SYT16: variants seen among roughly 807,000 people sequenced by gnomAD.
SYT16 encodes the protein synaptotagmin-16.
A neutral mutation model predicts 61.4 loss-of-function variants in SYT16; 42 were observed. That is an observed-to-expected ratio of 0.68 (90% CI 0.53 to 0.89). The LOEUF is 0.89. Among genes scored for constraint, SYT16 ranks in the 40% least tolerant of loss-of-function variants. The probability of loss-of-function intolerance (pLI) is 0.00; values close to 1 mark genes in which losing one functional copy is unlikely to be tolerated. For missense variants in SYT16, 804 were observed against 807.3 expected (o/e 1.00, Z 0.05); for synonymous variants, 314 against 302.3 (o/e 1.04, Z -0.40).
intron 2 of SYT16, among the ~76,000 whole-genome samples, chr14:61,973,361 T>G (rs2051645143): frequency 6.6e-6 from 1 of 152,198 alleles, no homozygotes; most frequent in Non-Finnish European, 1.5e-5. Flanking sequence ...TGATCATTGG[T>G]AACTATTGTT....
intron 1 of SYT16, chr14:61,832,141 C>T (rs1210988248): frequency 9.9e-6 from 7 of 709,862 alleles, no homozygotes; most frequent in Middle Eastern, 2.5e-4. Context: ...TCGACTTTCC[C>T]ATCCGTGGAG....
At chr14:61,953,700 A>G (rs894420595) in intron 1 of SYT16, among the ~76,000 whole-genome samples, 4 of 152,122 alleles carry the variant, frequency 2.6e-5, no homozygotes, top group African/African-American at 9.7e-5. Context: ...ACCTAATGCT[A>G]TACCTTTGAT....
In SYT16 at chr14:62,092,327, C is replaced by A. The variant is rs530179685; in HGVS notation, c.1624+7942C>A. ...TCCTATGGAAAACAGTATGACAGTTCCTGAAAAGATGAAAAATAGAATCAC... is the reference window on the plus strand; with the variant it reads ...TCCTATGGAAAACAGTATGACAGTTACTGAAAAGATGAAAAATAGAATCAC... On this transcript the variant is annotated intron_variant, in intron 7 of 7. Coordinates refer to ENST00000683842, the MANE Select transcript of SYT16 (RefSeq NM_001367656.1). 2.6e-5 allele frequency among the ~76,000 whole-genome samples: 4 copies of A among 151,886 alleles called. No individual in the cohort carries two copies. The East Asian group carries it at 5.8e-4, about 22-fold the overall frequency.
At chr14:61,981,411 G>T (rs2052069576) in intron 2 of SYT16, among the ~76,000 whole-genome samples, 1 of 152,082 alleles carries the variant, frequency 6.6e-6, no homozygotes. Flanking sequence ...TGGTGGGGAG[G>T]TTGGGAAAAG....
At chr14:62,090,146 G>A (rs1384890994) in intron 7 of SYT16, among the ~76,000 whole-genome samples, 1 of 152,150 alleles carries the variant, frequency 6.6e-6, no homozygotes, top group Non-Finnish European at 1.5e-5. Flanking sequence ...TCCATCTTCA[G>A]CTTTGCTATG....
At chr14:61,857,492 G>A (rs889756631) in intron 1 of SYT16, among the ~76,000 whole-genome samples, 1 of 152,200 alleles carries the variant, frequency 6.6e-6, no homozygotes, top group Non-Finnish European at 1.5e-5. Context: ...TTTACAAAGT[G>A]AGTTTCCCTA....
intron 1 of SYT16, among the ~76,000 whole-genome samples, chr14:61,841,536 T>A (rs139101643): frequency 3.9e-4 from 60 of 152,300 alleles, no homozygotes; most frequent in African/African-American, 1.4e-3. Context: ...TTATTTTATT[T>A]TAGATTCAGG....
chr14:61,925,562 CA>C (rs1177523007), intron 1 of SYT16, among the ~76,000 whole-genome samples: 4 of 152,010 alleles, frequency 2.6e-5, no homozygotes, highest in South Asian at 2.1e-4. Flanking sequence ...AATTAATGTA[CA>C]AAAAAGGGGG....
chr14:61,828,987 A>G (rs551984397), intron 1 of SYT16, among the ~76,000 whole-genome samples: 3 of 152,348 alleles, frequency 2.0e-5, no homozygotes, highest in Admixed American at 6.5e-5. Flanking sequence ...TTAGACAGAC[A>G]TTTGAAAAAG....
At chr14:61,948,239 G>C (rs188713089) in intron 1 of SYT16, among the ~76,000 whole-genome samples, 4 of 152,228 alleles carry the variant, frequency 2.6e-5, no homozygotes, top group Admixed American at 2.0e-4. Flanking sequence ...GTAAGTGTAT[G>C]TGTGTAAAAT....
chr14:62,087,247 A>G (rs1437541109), intron 7 of SYT16, among the ~76,000 whole-genome samples: 1 of 152,234 alleles, frequency 6.6e-6, no homozygotes, highest in East Asian at 1.9e-4. Flanking sequence ...AGAAGAGAGG[A>G]CAGGAGCCAG....
At chr14:62,035,270 T>G (rs573681814) in intron 3 of SYT16, among the ~76,000 whole-genome samples, 79 of 152,350 alleles carry the variant, frequency 5.2e-4, no homozygotes, top group African/African-American at 1.7e-3. Context: ...TCCAAGGGCA[T>G]GTAGCCCAGT....
At chr14:61,897,919 T>C (rs1226776186) in intron 1 of SYT16, among the ~76,000 whole-genome samples, 1 of 152,114 alleles carries the variant, frequency 6.6e-6, no homozygotes, top group Non-Finnish European at 1.5e-5. Context: ...GAGCCCCACA[T>C]CTCTTGGGGC....
chr14:61,914,232 G>C (rs1398704271), intron 1 of SYT16, among the ~76,000 whole-genome samples: 2 of 152,130 alleles, frequency 1.3e-5, no homozygotes, highest in African/African-American at 4.8e-5. Context: ...AAGTTTCTTT[G>C]CTAGGCAAAA....
At chr14:62,077,875 ACT>A (rs1362814748) in intron 5 of SYT16, among the ~76,000 whole-genome samples, 3 of 152,098 alleles carry the variant, frequency 2.0e-5, no homozygotes, top group African/African-American at 7.2e-5. Flanking sequence ...TCTACCCAGG[ACT>A]CTCTTAGAAA....
chr14:62,020,117 G>A (rs2053854080), intron 3 of SYT16, among the ~76,000 whole-genome samples: 3 of 152,102 alleles, frequency 2.0e-5, no homozygotes, highest in African/African-American at 7.2e-5. Flanking sequence ...GAAGAAATTT[G>A]CCTGACAGTC....
intron 1 of SYT16, among the ~76,000 whole-genome samples, chr14:61,878,017 G>C (rs571204637): frequency 1.3e-5 from 2 of 152,244 alleles, no homozygotes; most frequent in African/African-American, 4.8e-5. Context: ...CAGTATACCT[G>C]CCCTGGGCAA....
At chr14:61,960,414 C>T (rs1469077827) in intron 1 of SYT16, among the ~76,000 whole-genome samples, 1 of 152,126 alleles carries the variant, frequency 6.6e-6, no homozygotes, top group Non-Finnish European at 1.5e-5. Context: ...AGAGATCCTT[C>T]ACTTTCCTGG....
downstream of SYT16, among the ~76,000 whole-genome samples, chr14:62,112,701 G>C (rs1309767263): frequency 6.6e-6 from 1 of 152,020 alleles, no homozygotes; most frequent in Non-Finnish European, 1.5e-5. Flanking sequence ...ATATATTTTA[G>C]AACTATAAGC....
Sources: allele counts gnomAD v4.1 joint callset (sites outside exome capture counted in the v4.1 genomes callset), GRCh38; gene constraint gnomAD v4.1.1; transcripts MANE v1.5; gene names NCBI Gene and HGNC (gene_info 2026-07-23, HGNC 2026-07-21).